Variants in TTC39B observed in about 807,000 individuals in gnomAD.
TTC39B encodes tetratricopeptide repeat protein 39B.
TTC39B carries 92 observed loss-of-function variants against 96.6 expected under a neutral mutation model. That is an observed-to-expected ratio of 0.95 (90% CI 0.80 to 1.13). TTC39B has a LOEUF of 1.13. TTC39B is among the 50% of genes most tolerant of loss of function. The pLI is 0.00. For synonymous variants in TTC39B, 367 were observed against 299.4 expected, an observed-to-expected ratio of 1.23 and a Z score of -2.33; for missense variants, 955 against 809.3, an observed-to-expected ratio of 1.18 and a Z score of -2.18.
At chr9:15,277,248 G>C (rs549764842) in intron 1 of TTC39B, among the ~76,000 whole-genome samples, 1 of 152,146 alleles carries the variant, frequency 6.6e-6, no homozygotes, top group Non-Finnish European at 1.5e-5. Context: ...GACCAACATG[G>C]AGAAATCCCG....
At chr9:15,304,927 C>T (rs187914207) in intron 1 of TTC39B, among the ~76,000 whole-genome samples, 11 of 152,098 alleles carry the variant, frequency 7.2e-5, no homozygotes, top group South Asian at 6.2e-4. Context: ...TACCTAAAAA[C>T]CTAACCTGGT....
chr9:15,185,611 T>C (rs1818482385), intron 15 of TTC39B: 1 of 585,140 alleles, frequency 1.7e-6, no homozygotes, highest in South Asian at 2.4e-5. Flanking sequence ...AATCTAGATT[T>C]TGATAAGCCC....
At chr9:15,213,734 G>A (rs765099274) in intron 4 of TTC39B, among the ~76,000 whole-genome samples, 1 of 152,084 alleles carries the variant, frequency 6.6e-6, no homozygotes, top group Non-Finnish European at 1.5e-5. Context: ...CCCAATAATA[G>A]TCTTCTTATC....
chr9:15,171,937 C>T, exon 20 of TTC39B: 1 of 1,072,522 alleles, frequency 9.3e-7, no homozygotes. Flanking sequence ...TTCACAAGAT[C>T]ATTTTTCCAC....
chr9:15,296,084 G>C (rs534636414), intron 1 of TTC39B, among the ~76,000 whole-genome samples: 1 of 152,198 alleles, frequency 6.6e-6, no homozygotes, highest in African/African-American at 2.4e-5. Context: ...TGTGACTCAT[G>C]GTTGTCCAGA....
At chr9:15,273,910 G>C (rs1395716533) in intron 1 of TTC39B, among the ~76,000 whole-genome samples, 1 of 152,178 alleles carries the variant, frequency 6.6e-6, no homozygotes, top group Non-Finnish European at 1.5e-5. Context: ...AGAGCCATGG[G>C]TATTAGGTTC....
rs117358744 is a variant in TTC39B at position 15,260,307 on chromosome 9, A to G, written c.275+7607T>C. The stretch of plus-strand genomic sequence containing the variant: ...TTTTTTTTTCCTTCCTTAGGAATAT[A>G]TAAGATAACAATATGAATGGCATCT... On this transcript the variant is annotated intron_variant, in intron 2 of 19. Coordinates refer to ENST00000512701, the Ensembl canonical transcript of TTC39B. Among the ~76,000 whole-genome samples the G allele has an allele frequency of 2.0e-3, 301 of 150,444 alleles. 1 individual carries two copies. The highest frequency in any genetic ancestry group is 3.4e-3 in the Middle Eastern group (1 of 292).
chr9:15,245,396 T>G (rs936201077), intron 2 of TTC39B, among the ~76,000 whole-genome samples: 1 of 152,224 alleles, frequency 6.6e-6, no homozygotes, highest in Non-Finnish European at 1.5e-5. Flanking sequence ...TTTCTTTAGT[T>G]CTTCAATATG....
At chr9:15,203,839 G>A (rs1183929582) in exon 7 of TTC39B, 4 of 1,613,130 alleles carry the variant, frequency 2.5e-6, no homozygotes, top group East Asian at 2.2e-5. Flanking sequence ...AAACGTGAGT[G>A]CAGCTTTCTG....
At chr9:15,213,668 T>C (rs1820335313) in intron 4 of TTC39B, among the ~76,000 whole-genome samples, 2 of 152,216 alleles carry the variant, frequency 1.3e-5, no homozygotes. Context: ...ATCTGAAAAC[T>C]TAACAGGTAC....
chr9:15,304,132 C>T (rs1824683774), intron 1 of TTC39B, among the ~76,000 whole-genome samples: 1 of 152,118 alleles, frequency 6.6e-6, no homozygotes, highest in Admixed American at 6.5e-5. Flanking sequence ...CCACAAGGCA[C>T]CCAATGGTAG....
At chr9:15,188,409 A>C (rs1469848059) in intron 13 of TTC39B, among the ~76,000 whole-genome samples, 1 of 152,230 alleles carries the variant, frequency 6.6e-6, no homozygotes, top group East Asian at 1.9e-4. Flanking sequence ...TTAAGAAAAG[A>C]CTGACAATAA....
intron 1 of TTC39B, among the ~76,000 whole-genome samples, chr9:15,291,712 G>C (rs528065499): frequency 6.6e-6 from 1 of 151,956 alleles, no homozygotes; most frequent in African/African-American, 2.4e-5. Flanking sequence ...AAAAGGGACC[G>C]TCACTGGATC....
At chr9:15,208,127 T>G (rs1564347209) in intron 6 of TTC39B, among the ~76,000 whole-genome samples, 1 of 151,368 alleles carries the variant, frequency 6.6e-6, no homozygotes, top group Non-Finnish European at 1.5e-5. Flanking sequence ...CCTCCTGGGT[T>G]CAAGCTCCCG....
intron 1 of TTC39B, among the ~76,000 whole-genome samples, chr9:15,304,922 A>G (rs974068389): frequency 2.3e-4 from 35 of 152,062 alleles, no homozygotes; most frequent in African/African-American, 8.2e-4. Context: ...CAGGTTACCT[A>G]AAAACCTAAC....
intron 2 of TTC39B, among the ~76,000 whole-genome samples, chr9:15,243,765 A>G (rs1027205700): frequency 2.6e-5 from 4 of 152,116 alleles, no homozygotes; most frequent in African/African-American, 9.7e-5. Context: ...AAAAAATTGG[A>G]CGTATGTAGT....
intron 3 of TTC39B, among the ~76,000 whole-genome samples, chr9:15,219,972 T>C (rs530981629): frequency 8.5e-5 from 13 of 152,274 alleles, no homozygotes; most frequent in African/African-American, 3.1e-4. Flanking sequence ...TTCTCCAACA[T>C]AGTCTTTGTG....
intron 1 of TTC39B, among the ~76,000 whole-genome samples, chr9:15,300,590 A>G (rs1004320219): frequency 4.6e-5 from 7 of 152,178 alleles, no homozygotes; most frequent in African/African-American, 1.7e-4. Context: ...TGCCTCATCA[A>G]AAACCTTCCA....
chr9:15,279,836 C>T (rs549417771), intron 1 of TTC39B, among the ~76,000 whole-genome samples: 1 of 151,750 alleles, frequency 6.6e-6, no homozygotes, highest in African/African-American at 2.4e-5. Context: ...ACAAACAGGG[C>T]CAAATTCCAC....
Sources: gnomAD v4.1 joint callset for allele counts (sites outside exome capture counted in the v4.1 genomes callset) on GRCh38, gnomAD v4.1.1 for gene constraint, MANE v1.5 for transcripts, NCBI Gene and HGNC (gene_info 2026-07-23, HGNC 2026-07-21) for gene names.